GOLGA7B: variants seen among roughly 807,000 people sequenced by gnomAD.
The protein encoded by GOLGA7B is golgin subfamily A member 7B.
In GOLGA7B, 17 loss-of-function variants were observed where a neutral mutation model predicts 21.5. That is an observed-to-expected ratio of 0.79 (90% confidence interval 0.54 to 1.19). The LOEUF (loss-of-function observed/expected upper bound fraction) is 1.19, where lower values mean the gene tolerates loss of function less well. Ranked by LOEUF, GOLGA7B falls within the 50% of genes most tolerant of loss-of-function variation. The pLI is 0.00. For synonymous variants in GOLGA7B, 87 were observed against 84.0 expected, an observed-to-expected ratio of 1.04 and a Z score of -0.19; for missense variants, 169 against 224.4, an observed-to-expected ratio of 0.75 and a Z score of 1.58.
In GOLGA7B at chr10:97,865,841, G is replaced by A; in HGVS notation, c.*141G>A. 7.9e-7 allele frequency: 1 copy of A among 1,269,536 alleles called. No individual in the cohort carries two copies. The highest frequency in any genetic ancestry group is 1.1e-6 in the Non-Finnish European group (1 of 947,202). The allele number at this position is 1,269,536 out of a possible 1,614,324, so 78.6% of individuals were successfully genotyped here. ...CCCGGGGTGGGAGGGAGGGTGACGG[G>A]CCTCATATTTCCTGTGGGCCATCAA... is the stretch of plus-strand genomic sequence containing the variant. On this transcript the variant is annotated 3_prime_UTR_variant, in exon 5 of 5. Transcript: ENST00000370602.
intron 1 of GOLGA7B, among the ~76,000 whole-genome samples, chr10:97,853,119 T>G (rs989655965): frequency 2.0e-5 from 3 of 152,174 alleles, no homozygotes; most frequent in African/African-American, 7.2e-5. Context: ...GAATTAATGA[T>G]GAGTAGACAA....
Position 97,870,895 on chromosome 10 carries a change from G to GC in GOLGA7B, c.*5197dup, listed in dbSNP as rs994414205. On this transcript the variant is annotated 3_prime_UTR_variant, in exon 5 of 5. Transcript: ENST00000370602. Reference sequence around the variant, plus strand: ...GACTGCATTCAGGTGCATATTATGTGCCGTTATCTGAGGAGAGCATCTACA... The same window carrying GC: ...GACTGCATTCAGGTGCATATTATGTGCCCGTTATCTGAGGAGAGCATCTACA... 1.3e-5 allele frequency: 2 copies of GC among 152,184 alleles called. No homozygotes were observed. Among genetic ancestry groups the GC allele is most frequent in the African/African-American group, 4.8e-5 (2 of 41,448 alleles). 9.4% of individuals were successfully genotyped at this position (152,184 alleles called of 1,614,324 possible).
In GOLGA7B at chr10:97,871,026, A is replaced by G. The variant is rs1232652001; in HGVS notation, c.*5326A>G. Reference sequence around the variant, plus strand: ...TGGCCATGAATGTGCTTGGCATGAAAGAGATGCTTGGTAATGTCGGTTTCT... The same window carrying G: ...TGGCCATGAATGTGCTTGGCATGAAGGAGATGCTTGGTAATGTCGGTTTCT... On this transcript the variant is annotated 3_prime_UTR_variant, in exon 5 of 5. Transcript: ENST00000370602. The G allele has an allele frequency of 2.0e-5, 3 of 152,230 alleles. No individual in the cohort carries two copies. The highest frequency in any genetic ancestry group is 4.4e-5 in the Non-Finnish European group (3 of 68,048). The allele number at this position is 152,230 out of a possible 1,614,324, so 9.4% of individuals were successfully genotyped here.
intron 1 of GOLGA7B, among the ~76,000 whole-genome samples, chr10:97,859,025 A>G (rs926964285): frequency 6.6e-6 from 1 of 152,212 alleles, no homozygotes; most frequent in Non-Finnish European, 1.5e-5. Flanking sequence ...CACGTGCGAG[A>G]GAGACTCAAC....
Position 97,870,226 on chromosome 10 carries a change from G to C in GOLGA7B, c.*4526G>C, listed in dbSNP as rs1038943933. The C allele has an allele frequency of 6.6e-6, 1 of 152,196 alleles. No individual in the cohort carries two copies. Among genetic ancestry groups the C allele is most frequent in the Non-Finnish European group, 1.5e-5 (1 of 68,048 alleles). 9.4% of individuals were successfully genotyped at this position (152,196 alleles called of 1,614,324 possible). On this transcript the variant is annotated 3_prime_UTR_variant, in exon 5 of 5. Transcript: ENST00000370602. ...AGAGTTTCCCTGGTGATTTTAATGT[G>C]AAGGTAAGGCTGAGAATCCCTGGTT...
rs2049894566 is a variant in GOLGA7B, at chr10:97,850,093, C to G, written c.-211C>G. The G allele has an allele frequency of 5.5e-6, 1 of 180,846 alleles. No homozygotes were observed. Among genetic ancestry groups the G allele is most frequent in the African/African-American group, 2.4e-5 (1 of 41,778 alleles). 11.2% of individuals were successfully genotyped at this position (180,846 alleles called of 1,614,324 possible). A position where few individuals can be genotyped will look rare whatever the true frequency, so the allele number is the denominator to read the frequency against. ...CCCGGGCCCGGCGCCTGCCTCAGCA[C>G]AGCGGACAGCGCCGCGCCCCTTGCC... On this transcript the variant is annotated 5_prime_UTR_variant, in exon 1 of 5. Coordinates refer to ENST00000370602, the MANE Select transcript of GOLGA7B (RefSeq NM_001010917.3).
chr10:97,850,408 T>C, intron 1 of GOLGA7B, 93 bp downstream of exon 1: 2 of 864,640 alleles, frequency 2.3e-6, no homozygotes, highest in Admixed American at 2.9e-5. Context: ...AGGCGGGAGT[T>C]GGGGGTGGGA....
At chr10:97,855,180 A>G (rs768444986) in intron 1 of GOLGA7B, among the ~76,000 whole-genome samples, 2 of 152,226 alleles carry the variant, frequency 1.3e-5, no homozygotes, top group East Asian at 3.8e-4. Flanking sequence ...GTGTGTACAC[A>G]TGTGTGCATT....
At chr10:97,853,533 G>T (rs1467253716) in intron 1 of GOLGA7B, among the ~76,000 whole-genome samples, 1 of 152,122 alleles carries the variant, frequency 6.6e-6, no homozygotes, top group Non-Finnish European at 1.5e-5. Context: ...TTTGAAAATT[G>T]GTACCCATGG....
chr10:97,868,336 A>G lies in GOLGA7B; in HGVS notation c.*2636A>G, dbSNP rs939272449. On this transcript the variant is annotated 3_prime_UTR_variant, in exon 5 of 5. Transcript: ENST00000370602. The stretch of plus-strand genomic sequence containing the variant: ...CCCTAGGCCACACAGCTGGTTGATG[A>G]TAACAGGGCCCAAGCTTGGAACCCA... 2 of 152,284 alleles carry G rather than the reference A, an allele frequency of 1.3e-5. No homozygotes were observed. The highest frequency in any genetic ancestry group is 1.3e-4 in the Admixed American group (2 of 15,284). The allele number at this position is 152,284 out of a possible 1,614,324, so 9.4% of individuals were successfully genotyped here.
chr10:97,859,493 A>T lies in GOLGA7B; in HGVS notation c.48A>T (p.Ser16=). Reference sequence around the variant, plus strand: ...TGCAGGAGCTCCGGCGAAGTGCCTCACTGGCCACCAAGGTCTTTATCCAGA... The same window carrying T: ...TGCAGGAGCTCCGGCGAAGTGCCTCTCTGGCCACCAAGGTCTTTATCCAGA... ...HNLQELRRSA[S]LATKVFIQRD... The change falls in exon 2 of 5, where the codon TCA becomes TCT. Residue 16 remains serine, a synonymous_variant. Coordinates refer to ENST00000370602, the MANE Select transcript of GOLGA7B (RefSeq NM_001010917.3). 2.5e-6 allele frequency: 4 copies of T among 1,614,154 alleles called. No homozygotes were observed. Among genetic ancestry groups the T allele is most frequent in the Middle Eastern group, 3.3e-4 (2 of 6,062 alleles).
intron 1 of GOLGA7B, among the ~76,000 whole-genome samples, chr10:97,857,070 T>A (rs934128957): frequency 2.0e-5 from 3 of 152,216 alleles, no homozygotes; most frequent in Admixed American, 2.0e-4. Flanking sequence ...TGCAGAACTT[T>A]TTAGTTTAAT....
intron 1 of GOLGA7B, among the ~76,000 whole-genome samples, chr10:97,858,456 TG>T (rs1476230052): frequency 6.6e-6 from 1 of 152,170 alleles, no homozygotes; most frequent in Non-Finnish European, 1.5e-5. Flanking sequence ...TTCTCAGTGT[TG>T]GGCATATTTC....
intron 1 of GOLGA7B, among the ~76,000 whole-genome samples, chr10:97,851,217 C>T (rs905554837): frequency 2.0e-5 from 3 of 152,200 alleles, no homozygotes; most frequent in African/African-American, 7.2e-5. Context: ...TGGAGCGAAA[C>T]TCAGGACATC....
At chr10:97,850,340 G>C in intron 1 of GOLGA7B, 25 bp downstream of exon 1, 1 of 1,511,418 alleles carries the variant, frequency 6.6e-7, no homozygotes, top group Non-Finnish European at 8.9e-7. Flanking sequence ...CCCACCCGCA[G>C]GCAGTGCCCG....
At chr10:97,859,689 C>A in intron 2 of GOLGA7B, 106 bp downstream of exon 2, 1 of 1,180,906 alleles carries the variant, frequency 8.5e-7, no homozygotes, top group Non-Finnish European at 1.2e-6. Context: ...TATCATAGGA[C>A]ACGTAACATG....
Position 97,850,142 on chromosome 10 carries a change from C to A in GOLGA7B, c.-162C>A. 1 of 201,430 alleles carries A rather than the reference C, an allele frequency of 5.0e-6. No homozygotes were observed. Among genetic ancestry groups the A allele is most frequent in the South Asian group, 1.7e-4 (1 of 6,028 alleles). 12.5% of individuals were successfully genotyped at this position (201,430 alleles called of 1,614,324 possible). On this transcript the variant is annotated 5_prime_UTR_variant, in exon 1 of 5. Transcript: ENST00000370602. The stretch of plus-strand genomic sequence containing the variant: ...CCTGGACCCAGCCGCCCGCCCGCCC[C>A]CGGCCCACCTGAGCCCGGGCCCGCG...
At chr10:97,855,179 CAT>C (rs1164840803) in intron 1 of GOLGA7B, among the ~76,000 whole-genome samples, 1 of 152,196 alleles carries the variant, frequency 6.6e-6, no homozygotes, top group Non-Finnish European at 1.5e-5. Flanking sequence ...TGTGTGTACA[CAT>C]GTGTGCATTC....
rs1375056673 is a variant in GOLGA7B, at chr10:97,849,934, G to T, written c.-370G>T. On this transcript the variant is annotated 5_prime_UTR_variant, in exon 1 of 5. Coordinates refer to ENST00000370602, the MANE Select transcript of GOLGA7B (RefSeq NM_001010917.3). ...CGGCTTCCCCCTCCCGGCCAGCGGC[G>T]GCTCCTGGCCCCTCCTCCCCCGGCC... 1 of 152,060 alleles carries T rather than the reference G, an allele frequency of 6.6e-6. No individual in the cohort carries two copies. Among genetic ancestry groups the T allele is most frequent in the African/African-American group, 2.4e-5 (1 of 41,392 alleles). 9.4% of individuals were successfully genotyped at this position (152,060 alleles called of 1,614,324 possible). A position where few individuals can be genotyped will look rare whatever the true frequency, so the allele number is the denominator to read the frequency against.
Sources: allele counts gnomAD v4.1 joint callset (sites outside exome capture counted in the v4.1 genomes callset), GRCh38; gene constraint gnomAD v4.1.1; transcripts MANE v1.5; gene names NCBI Gene and HGNC (gene_info 2026-07-23, HGNC 2026-07-21).